WDR70: variants seen among roughly 807,000 people sequenced by gnomAD.
WDR70 encodes WD repeat domain 70, also known as WD repeat-containing protein 70.
WDR70 carries 53 observed loss-of-function variants against 88.6 expected under a neutral mutation model. The observed-to-expected ratio is 0.60, with a 90% CI of 0.48 to 0.75. The LOEUF is 0.75. WDR70 is among the 30% of genes least tolerant of loss of function. The probability of loss-of-function intolerance (pLI) is 0.00; values close to 1 mark genes in which losing one functional copy is unlikely to be tolerated. For synonymous variants in WDR70, 280 were observed against 270.0 expected (o/e 1.04, Z -0.36); for missense variants, 610 against 823.2 (o/e 0.74, Z 3.17).
intron 8 of WDR70, among the ~76,000 whole-genome samples, chr5:37,484,203 C>T (rs537245792): frequency 2.6e-5 from 4 of 152,332 alleles, no homozygotes; most frequent in South Asian, 2.1e-4. Flanking sequence ...CCAAGGCAGG[C>T]GGCTGGGAGG....
chr5:37,593,789 C>G (rs1261594248), intron 9 of WDR70, among the ~76,000 whole-genome samples: 2 of 152,212 alleles, frequency 1.3e-5, no homozygotes, highest in Non-Finnish European at 1.5e-5. Context: ...GTTCCCATTT[C>G]TCTACATCCT....
chr5:37,421,986 C>T (rs1324919590), intron 5 of WDR70, among the ~76,000 whole-genome samples: 1 of 151,884 alleles, frequency 6.6e-6, no homozygotes, highest in African/African-American at 2.4e-5. Flanking sequence ...TCCCAGGAAG[C>T]CAGGTCGCTA....
intron 10 of WDR70, among the ~76,000 whole-genome samples, chr5:37,666,314 G>T (rs192355791): frequency 5.3e-4 from 81 of 152,318 alleles, no homozygotes; most frequent in African/African-American, 1.9e-3. Flanking sequence ...AAGAAGAAAA[G>T]GTGATATCAT....
At chr5:37,505,482 T>C (rs1274872437) in intron 8 of WDR70, among the ~76,000 whole-genome samples, 1 of 152,172 alleles carries the variant, frequency 6.6e-6, no homozygotes, top group Non-Finnish European at 1.5e-5. Flanking sequence ...TACCTATTAA[T>C]GAGTGCTTTT....
chr5:37,401,164 ATTTTTT>A (rs559450523), intron 5 of WDR70, among the ~76,000 whole-genome samples: 1 of 69,162 alleles, frequency 1.4e-5, no homozygotes, highest in Non-Finnish European at 2.6e-5. Context: ...ACACCTAGCT[ATTTTTT>A]TTTTTTTTTT....
chr5:37,626,215 GC>G (rs1744661382), intron 10 of WDR70, among the ~76,000 whole-genome samples: 1 of 151,964 alleles, frequency 6.6e-6, no homozygotes, highest in Non-Finnish European at 1.5e-5. Flanking sequence ...TTAGCTGAAA[GC>G]TTTTTATTGT....
At chr5:37,689,052 G>A (rs6865935) in intron 10 of WDR70, among the ~76,000 whole-genome samples, 3,202 of 152,302 alleles carry the variant, frequency 0.021, 128 homozygotes, top group African/African-American at 0.072. Context: ...CTGGCTCGGC[G>A]GGTCCCACAC....
chr5:37,506,835 C>T (rs1182680566), intron 8 of WDR70: 1 of 1,286,736 alleles, frequency 7.8e-7, no homozygotes, highest in Non-Finnish European at 1.1e-6. Context: ...GGCTGCTGTT[C>T]AGGAACAGGG....
At chr5:37,728,097 C>T (rs1033778466) in intron 17 of WDR70, among the ~76,000 whole-genome samples, 1 of 151,876 alleles carries the variant, frequency 6.6e-6, no homozygotes, top group Non-Finnish European at 1.5e-5. Flanking sequence ...CTTATAATCC[C>T]GACACTTTGG....
At chr5:37,501,650 T>C (rs1280868632) in intron 8 of WDR70, among the ~76,000 whole-genome samples, 3 of 152,188 alleles carry the variant, frequency 2.0e-5, no homozygotes, top group South Asian at 2.1e-4. Flanking sequence ...AGTTTTATTC[T>C]TCTGCTTGTG....
chr5:37,708,047 A>G (rs1410158498), intron 13 of WDR70, among the ~76,000 whole-genome samples: 1 of 138,412 alleles, frequency 7.2e-6, no homozygotes, highest in African/African-American at 2.6e-5. Context: ...AAGGTATTTT[A>G]AGGAAGAAAA....
chr5:37,389,234 A>G (rs545324362), intron 3 of WDR70, among the ~76,000 whole-genome samples: 1 of 150,518 alleles, frequency 6.6e-6, no homozygotes, highest in Non-Finnish European at 1.5e-5. Context: ...CTGGGACTAC[A>G]GGTGCACACC....
chr5:37,746,884 T>C (rs1305118760), intron 17 of WDR70, among the ~76,000 whole-genome samples: 3 of 152,124 alleles, frequency 2.0e-5, no homozygotes, highest in African/African-American at 7.2e-5. Flanking sequence ...TTCCAAACAA[T>C]TGAAAAGGAG....
intron 6 of WDR70, among the ~76,000 whole-genome samples, chr5:37,438,262 A>G (rs1172092334): frequency 2.2e-4 from 33 of 152,146 alleles, no homozygotes; most frequent in Non-Finnish European, 2.9e-5. Context: ...ATGAAACTCA[A>G]ACACAATTTT....
intron 5 of WDR70, among the ~76,000 whole-genome samples, chr5:37,412,589 C>T (rs1326464938): frequency 6.6e-6 from 1 of 152,084 alleles, no homozygotes; most frequent in East Asian, 1.9e-4. Flanking sequence ...ATGACTGTAA[C>T]TAAGGGCTGG....
chr5:37,512,022 T>C (rs1740736074), intron 8 of WDR70, among the ~76,000 whole-genome samples: 2 of 152,182 alleles, frequency 1.3e-5, no homozygotes, highest in African/African-American at 4.8e-5. Context: ...ATTTATTCTT[T>C]TACTATTACA....
At chr5:37,502,840 T>C (rs902919755) in intron 8 of WDR70, among the ~76,000 whole-genome samples, 1 of 152,280 alleles carries the variant, frequency 6.6e-6, no homozygotes, top group African/African-American at 2.4e-5. Context: ...TGTTACACAC[T>C]TTTAAATGAC....
At chr5:37,484,344 G>A (rs1739786510) in intron 8 of WDR70, among the ~76,000 whole-genome samples, 1 of 152,248 alleles carries the variant, frequency 6.6e-6, no homozygotes, top group Admixed American at 6.5e-5. Context: ...CTTGCGGTTA[G>A]GAGCTGGAGA....
At position 37,609,290 on chromosome 5, in the gene WDR70, A is replaced by G. The variant is rs190548006; in HGVS notation, c.1092+4052A>G. Among the ~76,000 whole-genome samples the G allele has an allele frequency of 2.8e-4, 43 of 152,288 alleles. 1 individual carries two copies. In the East Asian group the frequency reaches 8.3e-3, roughly 29 times the overall value. Reference sequence around the variant, plus strand: ...AAAAACTATGTTCATGTCTCTTTATAATTCTGGGCTTTCAAATAATTCAGC... The same window carrying G: ...AAAAACTATGTTCATGTCTCTTTATGATTCTGGGCTTTCAAATAATTCAGC... On this transcript the variant is annotated intron_variant, in intron 10 of 17. Coordinates refer to ENST00000265107, the MANE Select transcript of WDR70 (RefSeq NM_018034.4).
Sources: gnomAD v4.1 joint callset for allele counts (sites outside exome capture counted in the v4.1 genomes callset) on GRCh38, gnomAD v4.1.1 for gene constraint, MANE v1.5 for transcripts, NCBI Gene and HGNC (gene_info 2026-07-23, HGNC 2026-07-21) for gene names.